Variants in BRD10 observed in about 807,000 individuals in gnomAD.
BRD10 encodes uncharacterized bromodomain-containing protein 10.
the BRD10 span, among the ~76,000 whole-genome samples, chr9:5,889,391 A>T: frequency 2.6e-5 from 4 of 152,274 alleles, no homozygotes; most frequent in African/African-American, 9.6e-5. Flanking sequence ...CCAAGAGTTC[A>T]TCGAATCTTG....
chr9:5,937,953 T>A, the BRD10 span, among the ~76,000 whole-genome samples: 1 of 152,194 alleles, frequency 6.6e-6, no homozygotes, highest in Admixed American at 6.5e-5. Flanking sequence ...CTAGGTCCCC[T>A]TTTTCATTAT....
At chr9:5,888,098 G>T in the BRD10 span, among the ~76,000 whole-genome samples, 3 of 152,202 alleles carry the variant, frequency 2.0e-5, no homozygotes, top group African/African-American at 7.2e-5. Flanking sequence ...TGGGAAAGGG[G>T]ACCTTAGAGG....
chr9:6,006,952 C>T, the BRD10 span, among the ~76,000 whole-genome samples: 42 of 152,342 alleles, frequency 2.8e-4, no homozygotes, highest in African/African-American at 9.6e-4. Flanking sequence ...GCAAACTATA[C>T]CCAGCTCTTC....
chr9:5,928,991 T>C, the BRD10 span: 1 of 941,914 alleles, frequency 1.1e-6, no homozygotes, highest in Non-Finnish European at 1.7e-6. Context: ...CATCCAAAAA[T>C]CGTAAATTAA....
At chr9:5,976,396 T>A in the BRD10 span, among the ~76,000 whole-genome samples, 4 of 152,294 alleles carry the variant, frequency 2.6e-5, no homozygotes, top group East Asian at 3.9e-4. Context: ...TTATTTCCCA[T>A]AAAATTTAAT....
chr9:5,973,504 T>C, the BRD10 span, among the ~76,000 whole-genome samples: 235 of 151,928 alleles, frequency 1.5e-3, 1 homozygote, highest in African/African-American at 5.4e-3. Context: ...ATAAAATACA[T>C]AACAGTAATA....
chr9:5,882,729 T>C, the BRD10 span, among the ~76,000 whole-genome samples: 1 of 152,048 alleles, frequency 6.6e-6, no homozygotes, highest in Non-Finnish European at 1.5e-5. Flanking sequence ...TCCTCAAGGA[T>C]CTAGAACTAG....
chr9:5,925,583 C>A, the BRD10 span, among the ~76,000 whole-genome samples: 1 of 152,024 alleles, frequency 6.6e-6, no homozygotes, highest in Non-Finnish European at 1.5e-5. Context: ...GCCAGAAATT[C>A]TAAGCACCAG....
chr9:5,995,734 A>G, the BRD10 span, among the ~76,000 whole-genome samples: 3 of 152,230 alleles, frequency 2.0e-5, no homozygotes, highest in Admixed American at 6.5e-5. Context: ...CAGAAAGAAC[A>G]GTTTTAGATA....
chr9:5,990,282 T>G, the BRD10 span, among the ~76,000 whole-genome samples: 146,245 of 152,290 alleles, frequency 0.96, 70,530 homozygotes, highest in Non-Finnish European at 0.99. Context: ...TTTAGTAGGT[T>G]AATTAATTAG....
chr9:5,908,819 C>A, the BRD10 span: 1 of 1,003,906 alleles, frequency 1.0e-6, no homozygotes, highest in Non-Finnish European at 1.5e-6. Flanking sequence ...AAAATGCAAG[C>A]CATCTCTAAT....
At chr9:5,967,921 G>A in the BRD10 span, 2 of 730,858 alleles carry the variant, frequency 2.7e-6, no homozygotes, top group Non-Finnish European at 4.5e-6. Context: ...GCATACATGT[G>A]CATTTTACTC....
the BRD10 span, chr9:5,945,012 A>C: frequency 1.2e-6 from 1 of 831,698 alleles, no homozygotes; most frequent in Non-Finnish European, 1.8e-6. Context: ...TAAAACACCC[A>C]AAATGTGGTA....
chr9:5,909,422 C>A, the BRD10 span: 1 of 152,420 alleles, frequency 6.6e-6, no homozygotes, highest in East Asian at 1.9e-4. Flanking sequence ...CTATGCCTGA[C>A]TAATTTTGTA....
chr9:5,922,856 G>C, the BRD10 span: 1 of 1,613,760 alleles, frequency 6.2e-7, no homozygotes, highest in Admixed American at 1.7e-5. Flanking sequence ...TGGCTTTATC[G>C]GGCTTGCTTC....
At chr9:5,906,666 A>G in the BRD10 span, among the ~76,000 whole-genome samples, 1 of 152,242 alleles carries the variant, frequency 6.6e-6, no homozygotes, top group Non-Finnish European at 1.5e-5. Flanking sequence ...CTTTACTTCT[A>G]GTTAATTCCC....
At chr9:6,007,617 C>T in the BRD10 span, 8 of 1,604,622 alleles carry the variant, frequency 5.0e-6, no homozygotes, top group Non-Finnish European at 6.8e-6. Flanking sequence ...CCATCTCTTC[C>T]TCCTGATCGT....
At chr9:5,960,000 G>A in the BRD10 span, among the ~76,000 whole-genome samples, 3 of 152,150 alleles carry the variant, frequency 2.0e-5, no homozygotes, top group South Asian at 4.2e-4. Context: ...GCTTTTGCTC[G>A]TGTTATTCAA....
chr9:5,906,329 CA>C, the BRD10 span, among the ~76,000 whole-genome samples: 85,576 of 132,406 alleles, frequency 0.65, 26,057 homozygotes, highest in Non-Finnish European at 0.72. Flanking sequence ...GACTCTGTCT[CA>C]AAAAAAAAAA....
Sources: allele counts gnomAD v4.1 joint callset (sites outside exome capture counted in the v4.1 genomes callset), GRCh38; gene constraint gnomAD v4.1.1; transcripts MANE v1.5; gene names NCBI Gene and HGNC (gene_info 2026-07-23, HGNC 2026-07-21).